Variants in ARL6IP6 observed in about 807,000 individuals in gnomAD.
The protein encoded by ARL6IP6 is ARF like GTPase 6 interacting protein 6, also known as ADP-ribosylation factor-like protein 6-interacting protein 6.
Under a neutral mutation model 21.5 loss-of-function variants are expected in ARL6IP6, and 22 were observed. The observed-to-expected ratio is 1.02, with a 90% CI of 0.73 to 1.46. ARL6IP6 has a LOEUF of 1.46. Ranked by LOEUF, ARL6IP6 falls within the 40% of genes most tolerant of loss-of-function variation. ARL6IP6 has a pLI of 0.00. For missense variants in ARL6IP6, 388 were observed against 299.8 expected, an observed-to-expected ratio of 1.29 and a Z score of -2.17; for synonymous variants, 164 against 125.3, an observed-to-expected ratio of 1.31 and a Z score of -2.06.
intron 3 of ARL6IP6, among the ~76,000 whole-genome samples, chr2:152,744,851 A>G (rs927276676): frequency 6.6e-6 from 1 of 152,174 alleles, no homozygotes; most frequent in Non-Finnish European, 1.5e-5. Flanking sequence ...TTGCCTTACA[A>G]TGCAATCTGG....
chr2:152,751,383 A>T (rs115524728), intron 3 of ARL6IP6, among the ~76,000 whole-genome samples: 1,824 of 152,314 alleles, frequency 0.012, 43 homozygotes, highest in African/African-American at 0.041. Flanking sequence ...TTCTGAAAAT[A>T]CGCAATAAGT....
chr2:152,726,420 T>C (rs540602275), intron 2 of ARL6IP6, among the ~76,000 whole-genome samples: 110 of 152,350 alleles, frequency 7.2e-4, no homozygotes, highest in African/African-American at 2.3e-3. Flanking sequence ...CACTTTCCTC[T>C]GCTCCTGCAC....
chr2:152,730,409 G>A (rs1574028533), intron 2 of ARL6IP6, among the ~76,000 whole-genome samples: 1 of 152,246 alleles, frequency 6.6e-6, no homozygotes, highest in African/African-American at 2.4e-5. Context: ...GGAGAAGTAT[G>A]TTAAACTTTG....
At chr2:152,739,942 A>G (rs1173730936) in intron 3 of ARL6IP6, among the ~76,000 whole-genome samples, 2 of 152,078 alleles carry the variant, frequency 1.3e-5, no homozygotes, top group Non-Finnish European at 2.9e-5. Flanking sequence ...AGACTCACAC[A>G]CTATTAGTGG....
intron 3 of ARL6IP6, among the ~76,000 whole-genome samples, chr2:152,756,562 C>T (rs1239521315): frequency 6.6e-6 from 1 of 151,858 alleles, no homozygotes; most frequent in Non-Finnish European, 1.5e-5. Context: ...ATTTACAACA[C>T]GTATCTTTAA....
intron 2 of ARL6IP6, among the ~76,000 whole-genome samples, chr2:152,723,051 T>C (rs1381741499): frequency 6.6e-6 from 1 of 152,224 alleles, no homozygotes; most frequent in Non-Finnish European, 1.5e-5. Context: ...TTAAAACTCC[T>C]CTTGAGATAA....
In ARL6IP6 at chr2:152,760,812, T is replaced by C. The variant is rs1701807951; in HGVS notation, c.*972T>C. On this transcript the variant is annotated 3_prime_UTR_variant, in exon 4 of 4. Transcript: ENST00000326446. Reference sequence around the variant, plus strand: ...ACTAGTTTGTTCTTAATCTCAAAAATTTAGTTACCAAAGTAGAAAAGGTAT... The same window carrying C: ...ACTAGTTTGTTCTTAATCTCAAAAACTTAGTTACCAAAGTAGAAAAGGTAT... The C allele has an allele frequency of 6.6e-6, 1 of 152,024 alleles. No homozygotes were observed. Among genetic ancestry groups the C allele is most frequent in the Non-Finnish European group, 1.5e-5 (1 of 67,968 alleles). The allele number at this position is 152,024 out of a possible 1,614,324, so 9.4% of individuals were successfully genotyped here.
chr2:152,720,423 T>G (rs1173975734), intron 1 of ARL6IP6, 110 bp from the exon 2 acceptor site: 6 of 1,043,390 alleles, frequency 5.8e-6, no homozygotes, highest in Non-Finnish European at 8.8e-6. Context: ...AACCCAGTTC[T>G]TTGTGACTCC....
chr2:152,719,273 A>G (rs1217378198), intron 1 of ARL6IP6, among the ~76,000 whole-genome samples: 1 of 152,210 alleles, frequency 6.6e-6, no homozygotes, highest in East Asian at 1.9e-4. Context: ...TCTTGAAGAA[A>G]TATCTTCAAG....
chr2:152,718,660 G>GCGGCGCCGCGGTCC lies in ARL6IP6; in HGVS notation c.41_54dup (p.Thr19AlafsTer117), dbSNP rs1226485719. On this transcript the variant is annotated frameshift_variant, in exon 1 of 4. Transcript: ENST00000326446. LOFTEE classifies it high-confidence loss of function. ...CTGAGAGCGGGTGGCGGTCGGCTCT[G>GCGGCGCCGCGGTCC]CGGCGCCGCGGTCCCGGCACCCCGG... is the stretch of plus-strand genomic sequence containing the variant. 6.4e-7 allele frequency: 1 copy of GCGGCGCCGCGGTCC among 1,565,776 alleles called. No homozygotes were observed. Among genetic ancestry groups the GCGGCGCCGCGGTCC allele is most frequent in the Non-Finnish European group, 8.7e-7 (1 of 1,155,082 alleles).
chr2:152,749,770 A>G (rs1038941151), intron 3 of ARL6IP6, among the ~76,000 whole-genome samples: 1 of 152,230 alleles, frequency 6.6e-6, no homozygotes, highest in Non-Finnish European at 1.5e-5. Flanking sequence ...CAGGGACTAC[A>G]TAAGTACTTC....
intron 3 of ARL6IP6, among the ~76,000 whole-genome samples, chr2:152,752,781 T>G (rs1255996551): frequency 6.6e-6 from 1 of 152,184 alleles, no homozygotes; most frequent in Non-Finnish European, 1.5e-5. Flanking sequence ...AGAATAATAG[T>G]CTTTGATCCT....
At chr2:152,759,251 A>G (rs1271087375) in intron 3 of ARL6IP6, among the ~76,000 whole-genome samples, 1 of 152,238 alleles carries the variant, frequency 6.6e-6, no homozygotes, top group Non-Finnish European at 1.5e-5. Flanking sequence ...TATTAGAATG[A>G]TAGCTGAAAT....
chr2:152,732,580 G>T, intron 2 of ARL6IP6: 1 of 447,714 alleles, frequency 2.2e-6, no homozygotes, highest in Admixed American at 2.6e-5. Context: ...AAGTTGCAAA[G>T]GTATGTTTTA....
intron 2 of ARL6IP6, chr2:152,732,598 A>T (rs1282467634): frequency 4.5e-6 from 2 of 440,336 alleles, no homozygotes; most frequent in Non-Finnish European, 9.2e-6. Context: ...TTATTTAAAA[A>T]TTTTTTGTCA....
At chr2:152,722,800 C>G (rs534914704) in intron 2 of ARL6IP6, among the ~76,000 whole-genome samples, 1 of 152,016 alleles carries the variant, frequency 6.6e-6, no homozygotes, top group Non-Finnish European at 1.5e-5. Flanking sequence ...CCCACCTACT[C>G]GGGAGGCTGA....
chr2:152,718,358 C>T (rs1699332224), upstream of ARL6IP6: 3 of 389,472 alleles, frequency 7.7e-6, no homozygotes, highest in South Asian at 9.7e-5. Context: ...CGACAGCCTT[C>T]GGCCTCCGCT....
chr2:152,719,857 C>G (rs755038133), intron 1 of ARL6IP6: 1 of 461,532 alleles, frequency 2.2e-6, no homozygotes. Context: ...ATAATTAAAT[C>G]TATTTAACTC....
In ARL6IP6 at chr2:152,723,791, T is replaced by C. The variant is rs893863515; in HGVS notation, c.454+3205T>C. 6.4e-5 allele frequency among the ~76,000 whole-genome samples: 6 copies of C among 93,524 alleles called. No individual in the cohort carries two copies. In the East Asian group the frequency reaches 2.2e-3, roughly 34 times the overall value. The allele number at this position is 93,524 out of a possible 152,430, so 61.4% of individuals were successfully genotyped here. A position where few individuals can be genotyped will look rare whatever the true frequency, so the allele number is the denominator to read the frequency against. Reference sequence around the variant, plus strand: ...ATCATGATTTCGTGATACAGAACATTAGAAGTGTTAAAAAAAGTCCAAGAG... The same window carrying C: ...ATCATGATTTCGTGATACAGAACATCAGAAGTGTTAAAAAAAGTCCAAGAG... On this transcript the variant is annotated intron_variant, in intron 2 of 3. Transcript: ENST00000326446.
Sources: allele counts gnomAD v4.1 joint callset (sites outside exome capture counted in the v4.1 genomes callset), GRCh38; gene constraint gnomAD v4.1.1; transcripts MANE v1.5; gene names NCBI Gene and HGNC (gene_info 2026-07-23, HGNC 2026-07-21).